The following MEGF6 variants were observed in gnomAD, a reference collection of about 807,000 sequenced individuals.
MEGF6 encodes the protein multiple epidermal growth factor-like domains protein 6.
Under a neutral mutation model 207.1 loss-of-function variants are expected in MEGF6, and 184 were observed. The ratio of observed to expected loss-of-function variants is 0.89; its 90% CI spans 0.79 to 1.00. MEGF6 has a LOEUF of 1.00. MEGF6 is among the 50% of genes least tolerant of loss of function. The probability of loss-of-function intolerance (pLI) is 0.00; values close to 1 mark genes in which losing one functional copy is unlikely to be tolerated. For missense variants in MEGF6, 2,282 were observed against 2,202.9 expected (o/e 1.04, Z -0.72); for synonymous variants, 1,038 against 910.0 (o/e 1.14, Z -2.53).
chr1:3,516,292 G>A, intron 5 of MEGF6, among the ~76,000 whole-genome samples: 1 of 152,362 alleles, frequency 6.6e-6, no homozygotes, highest in East Asian at 1.9e-4. Flanking sequence ...GTGGGCACTG[G>A]ACCTCTGCCA....
intron 3 of MEGF6, among the ~76,000 whole-genome samples, chr1:3,588,526 C>A (rs1367792608): frequency 2.2e-5 from 1 of 46,428 alleles, no homozygotes; most frequent in Non-Finnish European, 4.2e-5. Context: ...ATAGGAGTGG[C>A]CAGGAGTGGC....
chr1:3,515,360 C>G, intron 6 of MEGF6, 42 bp downstream of exon 6: 2 of 1,581,878 alleles, frequency 1.3e-6, no homozygotes, highest in Non-Finnish European at 1.7e-6. Context: ...GCTTGTCCTG[C>G]CTCCACCCCC....
At chr1:3,582,455 G>A (rs1033488923) in intron 3 of MEGF6, among the ~76,000 whole-genome samples, 6 of 152,064 alleles carry the variant, frequency 3.9e-5, no homozygotes, top group African/African-American at 9.7e-5. Context: ...TCTCCACCTC[G>A]TCTCCTCCAT....
Position 3,506,147 on chromosome 1 carries a change from G to A in MEGF6, c.1879C>T (p.Leu627Phe), listed in dbSNP as rs768810567. The change falls in exon 15 of 37, where the codon CTC becomes TTC. Residue 627 changes from leucine (L) to phenylalanine (F), a missense_variant. Physicochemically the swap from Leu to Phe is conservative, Grantham distance 22. Coordinates refer to ENST00000356575, the MANE Select transcript of MEGF6 (RefSeq NM_001409.4). ...GRCHRLYGAC[L>F]CDPGLYGRFC... ...CGGCCGTAGAGCCCTGGGTCGCAGAGGCAGGCCCCGTAGAGGCGGTGGCAC... is the reference window on the plus strand; with the variant it reads ...CGGCCGTAGAGCCCTGGGTCGCAGAAGCAGGCCCCGTAGAGGCGGTGGCAC... The A allele has an allele frequency of 4.4e-6, 7 of 1,597,838 alleles. No homozygotes were observed. Among genetic ancestry groups the A allele is most frequent in the Admixed American group, 3.5e-5 (2 of 57,878 alleles).
intron 5 of MEGF6, among the ~76,000 whole-genome samples, chr1:3,520,852 C>T (rs1292833188): frequency 6.6e-6 from 1 of 152,180 alleles, no homozygotes. Context: ...CGTTTCAAGG[C>T]CCCTCTGGAG....
In MEGF6 at chr1:3,494,732, T is replaced by C. The variant is rs920402344; in HGVS notation, c.3881A>G (p.Gln1294Arg). The C allele has an allele frequency of 3.8e-6, 6 of 1,582,812 alleles. No homozygotes were observed. In the African/African-American group the frequency reaches 5.4e-5, roughly 14 times the overall value. ...CTCGCAGCCCACGCCAAACCGGTTC[T>C]GGGGGCAGCCTGGAGACAGAAGGCA... ...AGVRCERGCPQNRFGVGCEHT... is the reference protein window; with the variant it reads ...AGVRCERGCPRNRFGVGCEHT... Residue 1294 changes from glutamine to arginine, a missense_variant, in exon 31 of 37, where the codon CAG becomes CGG. Transcript: ENST00000356575.
chr1:3,505,264 C>A lies in MEGF6; in HGVS notation c.2132G>T (p.Ser711Ile), dbSNP rs1307723731. Residue 711 changes from serine to isoleucine, a missense_variant, in exon 17 of 37, where the codon AGC becomes ATC. Coordinates refer to ENST00000356575, the MANE Select transcript of MEGF6 (RefSeq NM_001409.4). ...CPVGVACDSV[S>I]GECGKRCPAG... ...AGGACACCGCTTCCCACACTCGCCG[C>A]TCACGGAGTCACAGGCCACGCCCAC... 2 of 1,612,564 alleles carry A rather than the reference C, an allele frequency of 1.2e-6. No homozygotes were observed. The highest frequency in any genetic ancestry group is 1.7e-6 in the Non-Finnish European group (2 of 1,179,876).
At chr1:3,491,499 C>G (rs1375693582) in intron 35 of MEGF6, among the ~76,000 whole-genome samples, 2 of 152,146 alleles carry the variant, frequency 1.3e-5, no homozygotes, top group Non-Finnish European at 2.9e-5. Flanking sequence ...ATGGGGGCTC[C>G]CCTGTCTTAA....
At chr1:3,549,028 T>C (rs1642802856) in intron 4 of MEGF6, among the ~76,000 whole-genome samples, 1 of 152,164 alleles carries the variant, frequency 6.6e-6, no homozygotes, top group Non-Finnish European at 1.5e-5. Context: ...ATCTCCATGC[T>C]GGCTGGGACC....
At chr1:3,606,124 T>A (rs1321324231) in intron 1 of MEGF6, among the ~76,000 whole-genome samples, 1 of 152,214 alleles carries the variant, frequency 6.6e-6, no homozygotes, top group Non-Finnish European at 1.5e-5. Context: ...GCAGAACTCG[T>A]GATGAACGCA....
rs1557736163 is a variant in MEGF6, at chr1:3,511,827, C to A, written c.977-140G>T. The A allele has an allele frequency of 1.2e-5, 18 of 1,448,238 alleles. No homozygotes were observed. The East Asian group carries it at 1.7e-4, about 14-fold the overall frequency. 89.7% of individuals were successfully genotyped at this position (1,448,238 alleles called of 1,614,324 possible). On this transcript the variant is annotated intron_variant, in intron 8 of 36. Transcript: ENST00000356575. Reference sequence around the variant, plus strand: ...GAAGCAGCAACATGGAGCTCCCAGGCCTTGTTGGGTCTGGGACCCCCTGCT... The same window carrying A: ...GAAGCAGCAACATGGAGCTCCCAGGACTTGTTGGGTCTGGGACCCCCTGCT...
chr1:3,575,598 C>T (rs191897651), intron 4 of MEGF6, among the ~76,000 whole-genome samples: 3 of 149,278 alleles, frequency 2.0e-5, no homozygotes, highest in South Asian at 2.2e-4. Context: ...GGAGGCCTCA[C>T]AATCATGGCA....
chr1:3,523,764 A>T (rs1641854653), intron 5 of MEGF6, among the ~76,000 whole-genome samples: 1 of 152,220 alleles, frequency 6.6e-6, no homozygotes, highest in Non-Finnish European at 1.5e-5. Flanking sequence ...GTCCCTGCTG[A>T]TAACCACGGC....
chr1:3,559,522 T>TAAAAAAA (rs59799522), intron 4 of MEGF6, among the ~76,000 whole-genome samples: 18 of 105,502 alleles, frequency 1.7e-4, no homozygotes, highest in East Asian at 3.5e-4. Flanking sequence ...CCTTGTCTCT[T>TAAAAAAA]AAAAAAAAAA....
intron 4 of MEGF6, among the ~76,000 whole-genome samples, chr1:3,545,033 A>G (rs1357825330): frequency 6.6e-6 from 1 of 152,158 alleles, no homozygotes; most frequent in Non-Finnish European, 1.5e-5. Flanking sequence ...GGGAGAAGGA[A>G]GCTGCCTGTG....
rs541760477 is a variant in MEGF6, at chr1:3,505,533, G to A, written c.1942C>T (p.Pro648Ser). 5.0e-5 allele frequency: 80 copies of A among 1,591,282 alleles called. No homozygotes were observed. The highest frequency in any genetic ancestry group is 6.4e-5 in the Non-Finnish European group (75 of 1,171,376). ...HLTCPPWAFG[P>S]GCSEECQCVQ... is the part of the protein sequence containing the mutation. ...CACTGGCACTCCTCCGAGCAGCCCG[G>A]CCCAAAGGCCCACGGCGGGCAGGCT... Residue 648 changes from proline to serine, a missense_variant, in exon 16 of 37, where the codon CCG (proline) becomes TCG (serine). Pro to Ser is a moderately conservative substitution (Grantham distance 74). Transcript: ENST00000356575.
intron 4 of MEGF6, among the ~76,000 whole-genome samples, chr1:3,552,886 C>T (rs1642929189): frequency 1.3e-5 from 2 of 152,122 alleles, no homozygotes. Flanking sequence ...CCTGCTGCTT[C>T]ATCCCGAGGC....
chr1:3,543,264 C>T (rs1642585898), intron 4 of MEGF6, among the ~76,000 whole-genome samples: 1 of 152,184 alleles, frequency 6.6e-6, no homozygotes, highest in African/African-American at 2.4e-5. Flanking sequence ...CCGGGCCCAC[C>T]CCATCAACTT....
At chr1:3,597,770 A>ACCTTGATC (rs1644091899) in intron 2 of MEGF6, among the ~76,000 whole-genome samples, 1 of 151,846 alleles carries the variant, frequency 6.6e-6, no homozygotes. Context: ...GCCTGCCCAC[A>ACCTTGATC]CCTTGATCTC....
Sources: allele counts gnomAD v4.1 joint callset (sites outside exome capture counted in the v4.1 genomes callset), GRCh38; gene constraint gnomAD v4.1.1; transcripts MANE v1.5; gene names NCBI Gene and HGNC (gene_info 2026-07-23, HGNC 2026-07-21).